The following NCAPG2 variants were observed in gnomAD, a reference collection of about 807,000 sequenced individuals.
NCAPG2 encodes the protein condensin-2 complex subunit G2.
In NCAPG2, 53 loss-of-function variants were observed where a neutral mutation model predicts 141.1. The observed-to-expected ratio is 0.38, with a 90% CI of 0.30 to 0.47. NCAPG2 has a LOEUF of 0.47. NCAPG2 is among the 20% of genes least tolerant of loss of function. NCAPG2 has a pLI of 0.99. For missense variants in NCAPG2, 1,087 were observed against 1,389.0 expected (o/e 0.78, Z 3.46); for synonymous variants, 499 against 490.7 (o/e 1.02, Z -0.22).
intron 13 of NCAPG2, among the ~76,000 whole-genome samples, chr7:158,669,346 A>AT (rs1211102448): frequency 6.6e-6 from 1 of 152,200 alleles, no homozygotes; most frequent in Admixed American, 6.5e-5. Context: ...GAATTGCCAC[A>AT]CTGTCTTCCA....
At chr7:158,658,677 A>C (rs1832215377) in intron 16 of NCAPG2, among the ~76,000 whole-genome samples, 1 of 152,232 alleles carries the variant, frequency 6.6e-6, no homozygotes, top group South Asian at 2.1e-4. Flanking sequence ...GTACCAATCT[A>C]GACCCTGGGA....
intron 2 of NCAPG2, chr7:158,696,609 C>T (rs552037162): frequency 6.6e-6 from 1 of 152,342 alleles, no homozygotes; most frequent in South Asian, 2.1e-4. Context: ...GTGGTAAAAA[C>T]TGGCAAACCT....
intron 26 of NCAPG2, among the ~76,000 whole-genome samples, chr7:158,645,290 TG>T (rs1254009168): frequency 6.6e-6 from 1 of 152,100 alleles, no homozygotes; most frequent in Non-Finnish European, 1.5e-5. Context: ...CCTCCACCAC[TG>T]AAGAGTGAGC....
At chr7:158,655,588 C>G in intron 19 of NCAPG2, 133 bp from the exon 20 acceptor site, 1 of 667,672 alleles carries the variant, frequency 1.5e-6, no homozygotes. Flanking sequence ...AGCCCAGTGT[C>G]TGCTGACTCT....
chr7:158,640,486 T>G (rs1830568941), intron 27 of NCAPG2: 1 of 152,098 alleles, frequency 6.6e-6, no homozygotes, highest in Non-Finnish European at 1.5e-5. Context: ...TGAACTGAGA[T>G]CACACCACTG....
intron 2 of NCAPG2, among the ~76,000 whole-genome samples, chr7:158,695,570 A>C (rs1320679788): frequency 6.6e-6 from 1 of 152,226 alleles, no homozygotes; most frequent in African/African-American, 2.4e-5. Context: ...GATGTGAGAA[A>C]TGAGTGGCTG....
intron 27 of NCAPG2, among the ~76,000 whole-genome samples, chr7:158,642,161 G>A (rs1039241386): frequency 6.6e-6 from 1 of 152,198 alleles, no homozygotes; most frequent in East Asian, 1.9e-4. Flanking sequence ...GAAATCACAA[G>A]AGAAATTTAA....
intron 21 of NCAPG2, 111 bp downstream of exon 21, chr7:158,655,007 T>C: frequency 1.6e-6 from 2 of 1,248,240 alleles, no homozygotes; most frequent in Non-Finnish European, 2.2e-6. Flanking sequence ...CCCTGTAAGT[T>C]TTTAAGAATA....
chr7:158,668,560 A>G, intron 13 of NCAPG2: 1 of 520,578 alleles, frequency 1.9e-6, no homozygotes, highest in Non-Finnish European at 2.5e-6. Flanking sequence ...TGTGGCCTGG[A>G]TACAGTTTAG....
Position 158,686,201 on chromosome 7 carries a change from A to G in NCAPG2, c.808T>C (p.Trp270Arg). 6.3e-7 allele frequency: 1 copy of G among 1,578,450 alleles called. No homozygotes were observed. Among genetic ancestry groups the G allele is most frequent in the Non-Finnish European group, 8.6e-7 (1 of 1,162,768 alleles). ...AGTATTTTCCCTGAAGCCTTTTTCC[A>G]AGCTCTGAAATAAATTTCTGCAATG... is the stretch of plus-strand genomic sequence containing the variant. ...VYIAEIYFRA[W>R]KKASGKILEA... Residue 270 changes from tryptophan (W) to arginine (R), a missense_variant, in exon 8 of 28, where the codon TGG becomes CGG. Coordinates refer to ENST00000356309, the MANE Select transcript of NCAPG2 (RefSeq NM_017760.7).
At chr7:158,676,407 G>C (rs953895186) in intron 11 of NCAPG2, among the ~76,000 whole-genome samples, 2 of 152,212 alleles carry the variant, frequency 1.3e-5, no homozygotes, top group Non-Finnish European at 2.9e-5. Flanking sequence ...CAACATGTCA[G>C]TTAGTCATAG....
rs115452036 is a variant in NCAPG2, at chr7:158,666,206, G to T, written c.1480-1456C>A. Among the ~76,000 whole-genome samples the T allele has an allele frequency of 4.3e-3, 657 of 152,246 alleles. 7 individuals carry two copies. The highest frequency in any genetic ancestry group is 0.014 in the African/African-American group (599 of 41,542). ...GAGGACAAGAAAGAGAAAAATACTA[G>T]GACTCATATTCTGACCAGAGAACAA... On this transcript the variant is annotated intron_variant, in intron 13 of 27. Coordinates refer to ENST00000356309, the MANE Select transcript of NCAPG2 (RefSeq NM_017760.7).
At chr7:158,676,262 G>A (rs960345082) in intron 11 of NCAPG2, among the ~76,000 whole-genome samples, 1 of 152,178 alleles carries the variant, frequency 6.6e-6, no homozygotes, top group African/African-American at 2.4e-5. Flanking sequence ...ACAGGAATGG[G>A]TTCTATAAAA....
chr7:158,648,517 T>TACAACCACGCCAA (rs1563504013), intron 24 of NCAPG2, among the ~76,000 whole-genome samples: 1 of 141,710 alleles, frequency 7.1e-6, no homozygotes, highest in Non-Finnish European at 1.5e-5. Flanking sequence ...AAGAATGGAC[T>TACAACCACGCCAA]ATAACCACGC....
chr7:158,692,601 C>T (rs544360275), intron 4 of NCAPG2, among the ~76,000 whole-genome samples: 20 of 152,160 alleles, frequency 1.3e-4, no homozygotes, highest in African/African-American at 4.6e-4. Flanking sequence ...ATTAGGCGGG[C>T]GTGGTGGTGA....
At chr7:158,655,822 C>G (rs1305422947) in intron 19 of NCAPG2, among the ~76,000 whole-genome samples, 1 of 14,954 alleles carries the variant, frequency 6.7e-5, no homozygotes, top group South Asian at 2.1e-3. Context: ...AGAGGGCTGG[C>G]TCCTGGAGGA....
intron 23 of NCAPG2, among the ~76,000 whole-genome samples, chr7:158,651,497 G>A (rs895596032): frequency 2.0e-5 from 3 of 152,120 alleles, no homozygotes; most frequent in Admixed American, 1.3e-4. Context: ...AGGACACCGA[G>A]TCTTCAATAT....
chr7:158,701,888 A>G lies in NCAPG2; in HGVS notation c.12T>C (p.Arg4=), dbSNP rs772995443. 1.2e-6 allele frequency: 2 copies of G among 1,613,290 alleles called. No homozygotes were observed. The highest frequency in any genetic ancestry group is 8.5e-7 in the Non-Finnish European group (1 of 1,179,802). MEK[R]ETFVQAVSKE... ...TAGACACGGCTTGTACAAACGTCTC[A>G]CGTTTTTCCATGACAGATGGCACTG... The change falls in exon 2 of 28, where the codon CGT becomes CGC. Residue 4 remains arginine (R), a synonymous_variant. Transcript: ENST00000356309.
chr7:158,698,076 T>C (rs1298031467), intron 2 of NCAPG2, among the ~76,000 whole-genome samples: 1 of 152,182 alleles, frequency 6.6e-6, no homozygotes, highest in Non-Finnish European at 1.5e-5. Context: ...AGTTGACCTA[T>C]GTAACAAACC....
Sources: gnomAD v4.1 joint callset for allele counts (sites outside exome capture counted in the v4.1 genomes callset) on GRCh38, gnomAD v4.1.1 for gene constraint, MANE v1.5 for transcripts, NCBI Gene and HGNC (gene_info 2026-07-23, HGNC 2026-07-21) for gene names.